The following TPTE2 variants were observed in gnomAD, a reference collection of about 807,000 sequenced individuals.
The protein encoded by TPTE2 is transmembrane phosphoinositide 3-phosphatase and tensin homolog 2.
In TPTE2, 53 loss-of-function variants were observed where a neutral mutation model predicts 78.6. The ratio of observed to expected loss-of-function variants is 0.67; its 90% confidence interval spans 0.54 to 0.85. The LOEUF (loss-of-function observed/expected upper bound fraction) is 0.85. Ranked by LOEUF, TPTE2 falls within the 40% of genes least tolerant of loss-of-function variation. The pLI, the probability that TPTE2 is intolerant of heterozygous loss-of-function variation, is 0.00. For missense variants in TPTE2, 461 were observed against 623.0 expected (o/e 0.74, Z 2.77); for synonymous variants, 175 against 206.2 (o/e 0.85, Z 1.30).
At chr13:19,440,056 C>A (rs922676092) in intron 13 of TPTE2, among the ~76,000 whole-genome samples, 17 of 152,154 alleles carry the variant, frequency 1.1e-4, no homozygotes, top group African/African-American at 4.1e-4. Flanking sequence ...GAGAAAATTT[C>A]TTGAATCTTG....
intron 1 of TPTE2, among the ~76,000 whole-genome samples, chr13:19,525,042 G>A (rs1441525315): frequency 6.6e-6 from 1 of 152,164 alleles, no homozygotes; most frequent in Non-Finnish European, 1.5e-5. Flanking sequence ...TATGTAGCCT[G>A]TCTTTCAGTG....
At chr13:19,560,399 C>G in the TPTE2 span, 9 of 1,609,042 alleles carry the variant, frequency 5.6e-6, no homozygotes, top group Non-Finnish European at 7.6e-6. Context: ...GCCCGTGCCC[C>G]CTCTTCATCC....
At chr13:19,546,185 G>A in the TPTE2 span, among the ~76,000 whole-genome samples, 1 of 152,006 alleles carries the variant, frequency 6.6e-6, no homozygotes, top group African/African-American at 2.4e-5. Context: ...AAGACAGAGT[G>A]ACACCACACC....
intron 7 of TPTE2, among the ~76,000 whole-genome samples, 172 bp from the exon 11 acceptor site, chr13:19,465,736 G>A (rs577855791): frequency 1.4e-4 from 21 of 152,114 alleles, no homozygotes; most frequent in Non-Finnish European, 2.6e-4. Context: ...CACAACTTGC[G>A]TGTGTGCATG....
chr13:19,499,900 T>C (rs1211944990), intron 1 of TPTE2, among the ~76,000 whole-genome samples: 3 of 148,694 alleles, frequency 2.0e-5, no homozygotes, highest in East Asian at 1.9e-4. Context: ...GATAGACCAC[T>C]AGCAAGACTA....
chr13:19,541,880 G>C, the TPTE2 span, among the ~76,000 whole-genome samples: 2 of 151,978 alleles, frequency 1.3e-5, no homozygotes, highest in African/African-American at 4.8e-5. Flanking sequence ...TTCTGTTTTG[G>C]AATAATTTAT....
chr13:19,547,720 C>CATATAGATATAT, the TPTE2 span, among the ~76,000 whole-genome samples: 1 of 118,848 alleles, frequency 8.4e-6, no homozygotes, highest in Non-Finnish European at 1.8e-5. Context: ...AATAAATATA[C>CATATAGATATAT]ATATATATAT....
Position 19,444,307 on chromosome 13 carries a change from A to C in TPTE2, c.973+5769T>G, listed in dbSNP as rs1187513716. Among the ~76,000 whole-genome samples, 65 of 4,574 alleles carry C rather than the reference A, an allele frequency of 0.014. No homozygotes were observed. In the South Asian group the frequency reaches 0.16, roughly 12 times the overall value. The allele number at this position is 4,574 out of a possible 152,430, so 3.0% of individuals were successfully genotyped here. ...GGGTGACAGAATGAGACTCTGCCAC[A>C]AAAAAAAAAAAAAAAAAAAAAAAAA... On this transcript the variant is annotated intron_variant, in intron 13 of 19. Coordinates refer to ENST00000400230, the Ensembl canonical transcript of TPTE2.
At chr13:19,522,776 C>T (rs780289398) in intron 1 of TPTE2, among the ~76,000 whole-genome samples, 7 of 151,722 alleles carry the variant, frequency 4.6e-5, no homozygotes, top group Non-Finnish European at 1.0e-4. Flanking sequence ...GCACCCGCCA[C>T]CATGTCAAGC....
At chr13:19,502,913 CCCT>C (rs1868716805) in intron 1 of TPTE2, among the ~76,000 whole-genome samples, 1 of 151,740 alleles carries the variant, frequency 6.6e-6, no homozygotes, top group African/African-American at 2.4e-5. Flanking sequence ...GAAGCAGCAG[CCCT>C]CCTGTGACCT....
chr13:19,433,824 G>A (rs889949083), intron 15 of TPTE2, among the ~76,000 whole-genome samples: 2 of 152,232 alleles, frequency 1.3e-5, no homozygotes, highest in African/African-American at 2.4e-5. Context: ...AAGAGATTCA[G>A]TTGCAGCCTT....
chr13:19,518,821 C>T (rs1171691455), intron 1 of TPTE2, among the ~76,000 whole-genome samples: 2 of 151,956 alleles, frequency 1.3e-5, no homozygotes, highest in Non-Finnish European at 1.5e-5. Flanking sequence ...TAGATCTGTC[C>T]AAGAATAGAG....
intron 4 of TPTE2, 122 bp downstream of exon 7, chr13:19,482,366 C>T (rs1880410882): frequency 5.4e-6 from 6 of 1,116,216 alleles, no homozygotes; most frequent in Non-Finnish European, 7.4e-6. Context: ...ACCCTCCCAC[C>T]ATACATTTTG....
chr13:19,504,968 T>C (rs560045179), upstream of TPTE2, among the ~76,000 whole-genome samples: 1 of 152,210 alleles, frequency 6.6e-6, no homozygotes, highest in South Asian at 2.1e-4. Flanking sequence ...TCATTGGTGG[T>C]TCTATCACAG....
intron 1 of TPTE2, 22 bp from the exon 5 acceptor site, chr13:19,493,523 C>T: frequency 6.2e-7 from 1 of 1,611,188 alleles, no homozygotes; most frequent in Non-Finnish European, 8.5e-7. Flanking sequence ...TAAGAGAATA[C>T]AGTCAGAGAG....
intron 3 of TPTE2, among the ~76,000 whole-genome samples, chr13:19,489,726 A>G (rs1278547963): frequency 7.0e-6 from 1 of 143,484 alleles, no homozygotes; most frequent in Admixed American, 7.2e-5. Context: ...ATATCTGTAT[A>G]TATATATACA....
intron 4 of TPTE2, among the ~76,000 whole-genome samples, chr13:19,475,964 C>T (rs1448746388): frequency 6.6e-6 from 1 of 152,054 alleles, no homozygotes; most frequent in Admixed American, 6.6e-5. Flanking sequence ...AGAAGAGAAC[C>T]GTATTTTAAT....
intron 3 of TPTE2, among the ~76,000 whole-genome samples, chr13:19,485,164 A>C (rs1880590764): frequency 6.6e-6 from 1 of 152,068 alleles, no homozygotes; most frequent in Non-Finnish European, 1.5e-5. Context: ...AAAGTTTTGC[A>C]TGTTTTTATG....
the TPTE2 span, among the ~76,000 whole-genome samples, chr13:19,552,046 T>C: frequency 1.3e-5 from 2 of 152,256 alleles, no homozygotes; most frequent in African/African-American, 2.4e-5. Flanking sequence ...AAGTAGATGA[T>C]ATTCTGTTGC....
Sources: gnomAD v4.1 joint callset for allele counts (sites outside exome capture counted in the v4.1 genomes callset) on GRCh38, gnomAD v4.1.1 for gene constraint, MANE v1.5 for transcripts, NCBI Gene and HGNC (gene_info 2026-07-23, HGNC 2026-07-21) for gene names.